The following TGFBR3 variants were observed in gnomAD, a reference collection of about 807,000 sequenced individuals.
TGFBR3 encodes transforming growth factor beta receptor 3, also known as transforming growth factor beta receptor type 3.
A neutral mutation model predicts 87.9 loss-of-function variants in TGFBR3; 46 were observed. The ratio of observed to expected loss-of-function variants is 0.52; its 90% CI spans 0.41 to 0.67. The LOEUF is 0.67. Among genes scored for constraint, TGFBR3 ranks in the 30% least tolerant of loss-of-function variants. TGFBR3 has a pLI of 0.00. For missense variants in TGFBR3, 866 were observed against 1,041.9 expected, an observed-to-expected ratio of 0.83 and a Z score of 2.32; for synonymous variants, 381 against 391.6, an observed-to-expected ratio of 0.97 and a Z score of 0.32.
rs375225351 is a variant in TGFBR3, at chr1:91,801,457, C to T, written c.62-3986G>A. Among the ~76,000 whole-genome samples the T allele has an allele frequency of 3.2e-4, 48 of 152,210 alleles. 1 individual carries two copies. The South Asian group carries it at 9.3e-3, about 30-fold the overall frequency. ...AGGGAAAGGGTGACCAAGCATTGTA[C>T]GGTGAACATCCAGCCCAATGCCTGG... is the stretch of plus-strand genomic sequence containing the variant. On this transcript the variant is annotated intron_variant, in intron 2 of 16. Coordinates refer to ENST00000212355, the MANE Select transcript of TGFBR3 (RefSeq NM_003243.5).
At chr1:91,821,508 G>A (rs1397827161) in intron 2 of TGFBR3, among the ~76,000 whole-genome samples, 1 of 152,158 alleles carries the variant, frequency 6.6e-6, no homozygotes, top group East Asian at 1.9e-4. Flanking sequence ...GCCAATGCTA[G>A]TTGATTGGTT....
At chr1:91,812,617 T>C (rs1449108697) in intron 2 of TGFBR3, among the ~76,000 whole-genome samples, 1 of 152,196 alleles carries the variant, frequency 6.6e-6, no homozygotes, top group Non-Finnish European at 1.5e-5. Context: ...TATAGTTTTT[T>C]CGGTTTCGTT....
intron 4 of TGFBR3, among the ~76,000 whole-genome samples, chr1:91,753,764 G>A (rs1383192836): frequency 3.3e-5 from 5 of 152,132 alleles, no homozygotes; most frequent in African/African-American, 1.2e-4. Context: ...ACCCATCTAT[G>A]TTGTGGTATG....
At chr1:91,697,076 G>C (rs1671458449) in intron 15 of TGFBR3, among the ~76,000 whole-genome samples, 1 of 152,174 alleles carries the variant, frequency 6.6e-6, no homozygotes, top group African/African-American at 2.4e-5. Flanking sequence ...GAGCTCCCTG[G>C]AGGTGAAGTT....
intron 2 of TGFBR3, among the ~76,000 whole-genome samples, chr1:91,803,368 GTTC>G (rs1258542796): frequency 6.6e-6 from 1 of 152,180 alleles, no homozygotes; most frequent in Non-Finnish European, 1.5e-5. Context: ...AAGGAGGTCA[GTTC>G]TTCTGCCATT....
intron 2 of TGFBR3, among the ~76,000 whole-genome samples, chr1:91,857,178 A>C (rs1046297937): frequency 6.6e-6 from 1 of 152,142 alleles, no homozygotes; most frequent in African/African-American, 2.4e-5. Flanking sequence ...TTGAATTCCA[A>C]GATTAAACAG....
chr1:91,705,694 C>A lies in TGFBR3; in HGVS notation c.2287+2969G>T, dbSNP rs146465968. Reference sequence around the variant, plus strand: ...CTGCCAGAAAACTTACCCCAGTAAGCGCAAAGTTAGAAAGCAAATTTGCAT... The same window carrying A: ...CTGCCAGAAAACTTACCCCAGTAAGAGCAAAGTTAGAAAGCAAATTTGCAT... On this transcript the variant is annotated intron_variant, in intron 14 of 16. Transcript: ENST00000212355. 3.9e-5 allele frequency among the ~76,000 whole-genome samples: 6 copies of A among 152,144 alleles called. No homozygotes were observed. The South Asian group carries it at 1.0e-3, about 26-fold the overall frequency.
chr1:91,864,882 CT>C (rs1380521263), intron 1 of TGFBR3, among the ~76,000 whole-genome samples: 1 of 152,180 alleles, frequency 6.6e-6, no homozygotes, highest in Non-Finnish European at 1.5e-5. Flanking sequence ...AATCTCTGGA[CT>C]TTATGAACTA....
chr1:91,865,202 C>CAAAAAAAA (rs67134125), intron 1 of TGFBR3, among the ~76,000 whole-genome samples: 4 of 105,240 alleles, frequency 3.8e-5, no homozygotes, highest in African/African-American at 1.5e-4. Flanking sequence ...GACTCCATCT[C>CAAAAAAAA]AAAAAAAAAA....
chr1:91,824,728 G>A (rs2265863), intron 2 of TGFBR3, among the ~76,000 whole-genome samples: 17,584 of 152,194 alleles, frequency 0.12, 1,278 homozygotes, highest in East Asian at 0.38. Flanking sequence ...TTGAGAGGCC[G>A]AGGCAGGTGG....
intron 2 of TGFBR3, among the ~76,000 whole-genome samples, chr1:91,801,453 T>C (rs1675626932): frequency 6.6e-6 from 1 of 152,126 alleles, no homozygotes; most frequent in Admixed American, 6.6e-5. Flanking sequence ...GACCAAGCAT[T>C]GTACGGTGAA....
At chr1:91,830,645 A>G (rs904010869) in intron 2 of TGFBR3, among the ~76,000 whole-genome samples, 2 of 152,126 alleles carry the variant, frequency 1.3e-5, no homozygotes, top group African/African-American at 2.4e-5. Context: ...GAAACTCCCA[A>G]GAAAGCTGCC....
intron 3 of TGFBR3, among the ~76,000 whole-genome samples, chr1:91,792,651 GTAAACAAGCC>G (rs1265859277): frequency 6.6e-6 from 1 of 152,186 alleles, no homozygotes; most frequent in Admixed American, 6.5e-5. Context: ...GTATGTTACT[GTAAACAAGCC>G]TCTAATGGTG....
At chr1:91,887,250 T>TTTTTTTTTTTC (rs1679349322), upstream of TGFBR3, among the ~76,000 whole-genome samples, 1 of 112,964 alleles carries the variant, frequency 8.9e-6, no homozygotes, top group Admixed American at 9.3e-5. Context: ...TTTTTTTTTT[T>TTTTTTTTTTTC]TTTTTTTTTT....
intron 2 of TGFBR3, among the ~76,000 whole-genome samples, chr1:91,807,153 G>A (rs894507798): frequency 2.0e-5 from 3 of 152,148 alleles, no homozygotes; most frequent in Non-Finnish European, 2.9e-5. Context: ...GGGATGGAGC[G>A]GTGGAATGTA....
chr1:91,871,669 TA>T (rs1323101639), intron 1 of TGFBR3, among the ~76,000 whole-genome samples: 1 of 152,014 alleles, frequency 6.6e-6, no homozygotes. Context: ...TGACAATATC[TA>T]AAGGAAAAAC....
At chr1:91,843,854 T>A (rs1057340409) in intron 2 of TGFBR3, among the ~76,000 whole-genome samples, 15 of 152,200 alleles carry the variant, frequency 9.9e-5, no homozygotes, top group Non-Finnish European at 1.2e-4. Flanking sequence ...TTTCCCTAAA[T>A]AAAGGTGCAG....
chr1:91,740,850 T>C (rs1673136238), intron 4 of TGFBR3, among the ~76,000 whole-genome samples: 1 of 152,152 alleles, frequency 6.6e-6, no homozygotes, highest in African/African-American at 2.4e-5. Flanking sequence ...ACATAGGATA[T>C]AAAGAGAATA....
intron 2 of TGFBR3, among the ~76,000 whole-genome samples, chr1:91,841,102 C>T (rs533492598): frequency 2.6e-5 from 4 of 152,262 alleles, no homozygotes; most frequent in South Asian, 4.1e-4. Context: ...TGAGCCCCCG[C>T]GCCCGGCTCA....
Sources: allele counts gnomAD v4.1 joint callset (sites outside exome capture counted in the v4.1 genomes callset), GRCh38; gene constraint gnomAD v4.1.1; transcripts MANE v1.5; gene names NCBI Gene and HGNC (gene_info 2026-07-23, HGNC 2026-07-21).